The following PTPRG variants were observed in gnomAD, a reference collection of about 807,000 sequenced individuals.
The protein encoded by PTPRG is protein tyrosine phosphatase receptor type G, also known as receptor-type tyrosine-protein phosphatase gamma.
Under a neutral mutation model 165.3 loss-of-function variants are expected in PTPRG, and 102 were observed. The observed-to-expected ratio is 0.62, with a 90% CI of 0.53 to 0.73. The LOEUF (loss-of-function observed/expected upper bound fraction) is 0.73, where lower values mean the gene tolerates loss of function less well. PTPRG is among the 30% of genes least tolerant of loss of function. PTPRG has a pLI of 0.00. For synonymous variants in PTPRG, 675 were observed against 669.5 expected, an observed-to-expected ratio of 1.01 and a Z score of -0.13; for missense variants, 1,866 against 1,861.4, an observed-to-expected ratio of 1.00 and a Z score of -0.05.
At chr3:61,913,984 G>A (rs1269184590) in intron 2 of PTPRG, among the ~76,000 whole-genome samples, 2 of 152,116 alleles carry the variant, frequency 1.3e-5, no homozygotes, top group African/African-American at 4.8e-5. Flanking sequence ...TTTTGTTTCA[G>A]TGTTATAACA....
At chr3:61,670,986 T>C (rs377142776) in intron 1 of PTPRG, among the ~76,000 whole-genome samples, 123 of 152,078 alleles carry the variant, frequency 8.1e-4, no homozygotes, top group African/African-American at 3.0e-3. Flanking sequence ...GTTGGATTCG[T>C]TGAAAATATG....
intron 1 of PTPRG, chr3:61,742,824 C>A (rs2106887764): frequency 6.2e-7 from 1 of 1,602,978 alleles, no homozygotes; most frequent in Admixed American, 1.7e-5. Context: ...GTTTTTTATT[C>A]TTTTTGAGTT....
At position 61,867,065 on chromosome 3, in the gene PTPRG, G is replaced by A. The variant is rs542477814; in HGVS notation, c.190+118083G>A. 2.4e-4 allele frequency among the ~76,000 whole-genome samples: 37 copies of A among 152,208 alleles called. 1 individual carries two copies. The South Asian group carries it at 7.3e-3, about 30-fold the overall frequency. On this transcript the variant is annotated intron_variant, in intron 2 of 29. Transcript: ENST00000474889. ...GGAGTAGCTCTTCATCAGATTGCCC[G>A]GGATTGGAAAGGGATCAGTACCAGA...
rs190664722 is a variant in PTPRG at position 62,133,903 on chromosome 3, A to T, written c.682+1235A>T. ...GAGGCTGAGGCAGGAGAATCACTTG[A>T]ATCCGGGAGGCGGAGGTTGCAGTGA... On this transcript the variant is annotated intron_variant, in intron 6 of 29. Transcript: ENST00000474889. Among the ~76,000 whole-genome samples the T allele has an allele frequency of 4.1e-3, 624 of 152,180 alleles. 8 individuals are homozygous for T. The highest frequency in any genetic ancestry group is 0.019 in the Admixed American group (290 of 15,280).
intron 21 of PTPRG, among the ~76,000 whole-genome samples, chr3:62,272,001 A>T (rs1406052709): frequency 6.6e-6 from 1 of 152,164 alleles, no homozygotes; most frequent in East Asian, 1.9e-4. Flanking sequence ...AGGCTGAGAC[A>T]GAAGGATCCC....
chr3:61,911,820 T>C (rs2038810183), intron 2 of PTPRG, among the ~76,000 whole-genome samples: 1 of 152,226 alleles, frequency 6.6e-6, no homozygotes, highest in Non-Finnish European at 1.5e-5. Flanking sequence ...GTTGGTTTCA[T>C]TGCCAGCAGT....
chr3:61,568,021 C>T (rs1187906557), intron 1 of PTPRG, among the ~76,000 whole-genome samples: 1 of 150,510 alleles, frequency 6.6e-6, no homozygotes, highest in African/African-American at 2.4e-5. Flanking sequence ...GAGCAACCAT[C>T]TTACTTGGAA....
intron 1 of PTPRG, among the ~76,000 whole-genome samples, chr3:61,570,505 T>A (rs1700030676): frequency 6.6e-6 from 1 of 152,142 alleles, no homozygotes; most frequent in South Asian, 2.1e-4. Context: ...TCTAAGTGAG[T>A]GAAGCAGGGT....
intron 1 of PTPRG, among the ~76,000 whole-genome samples, chr3:61,705,614 T>C (rs1051136263): frequency 1.2e-4 from 18 of 152,206 alleles, no homozygotes; most frequent in Admixed American, 1.1e-3. Flanking sequence ...AGAAGAGTCA[T>C]TGATGTTAAA....
intron 4 of PTPRG, among the ~76,000 whole-genome samples, chr3:62,047,390 G>A (rs1366331228): frequency 6.6e-6 from 1 of 152,078 alleles, no homozygotes; most frequent in Non-Finnish European, 1.5e-5. Context: ...TTCCCAAGTA[G>A]CTGAGACCAC....
intron 2 of PTPRG, among the ~76,000 whole-genome samples, chr3:61,911,022 C>G (rs2038790010): frequency 6.6e-6 from 1 of 152,154 alleles, no homozygotes; most frequent in African/African-American, 2.4e-5. Context: ...CTCTGCTGCT[C>G]CTGTTGTCCT....
chr3:61,963,590 T>G (rs1278227552), intron 2 of PTPRG, among the ~76,000 whole-genome samples: 1 of 152,180 alleles, frequency 6.6e-6, no homozygotes, highest in African/African-American at 2.4e-5. Flanking sequence ...TTAATCCACA[T>G]TAGAATTTAA....
At chr3:62,115,350 T>C (rs1702821757) in intron 5 of PTPRG, among the ~76,000 whole-genome samples, 2 of 152,180 alleles carry the variant, frequency 1.3e-5, no homozygotes, top group South Asian at 4.1e-4. Context: ...AAAGAGTGTT[T>C]ATCTTTGGTG....
intron 1 of PTPRG, among the ~76,000 whole-genome samples, chr3:61,577,511 G>C (rs1700195908): frequency 6.6e-6 from 1 of 152,066 alleles, no homozygotes; most frequent in African/African-American, 2.4e-5. Flanking sequence ...AATGAAAAAA[G>C]AATGTGAAAT....
In PTPRG at chr3:61,653,816, C is replaced by G. The variant is rs140171706; in HGVS notation, c.85+91444C>G. Among the ~76,000 whole-genome samples the G allele has an allele frequency of 8.6e-5, 13 of 150,302 alleles. No individual in the cohort carries two copies. The East Asian group carries it at 2.4e-3, about 27-fold the overall frequency. ...AGATTAGAATTCACCTTGGCCCACA[C>G]TGTTCCCAGTTATCTAGTGAAATCA... On this transcript the variant is annotated intron_variant, in intron 1 of 29. Transcript: ENST00000474889.
intron 2 of PTPRG, among the ~76,000 whole-genome samples, chr3:61,889,124 C>T (rs574017030): frequency 3.3e-5 from 5 of 152,272 alleles, no homozygotes; most frequent in South Asian, 4.1e-4. Flanking sequence ...TATTTTTCAT[C>T]GAACCTTTAC....
intron 1 of PTPRG, among the ~76,000 whole-genome samples, chr3:61,714,703 T>G (rs954667161): frequency 6.6e-6 from 1 of 152,182 alleles, no homozygotes; most frequent in African/African-American, 2.4e-5. Context: ...CAGGGCTCCT[T>G]CCACCAGGAG....
chr3:61,728,155 G>C (rs901494514), intron 1 of PTPRG, among the ~76,000 whole-genome samples: 3 of 152,188 alleles, frequency 2.0e-5, no homozygotes, highest in Admixed American at 2.0e-4. Context: ...GAATTACAGA[G>C]TCCCATATGA....
chr3:61,591,629 G>T (rs565856945), intron 1 of PTPRG, among the ~76,000 whole-genome samples: 11 of 152,314 alleles, frequency 7.2e-5, no homozygotes, highest in South Asian at 2.1e-4. Context: ...AAGAGGAGAG[G>T]GCAGTGAGGT....
Sources: gnomAD v4.1 joint callset for allele counts (sites outside exome capture counted in the v4.1 genomes callset) on GRCh38, gnomAD v4.1.1 for gene constraint, MANE v1.5 for transcripts, NCBI Gene and HGNC (gene_info 2026-07-23, HGNC 2026-07-21) for gene names.